PM20D2: variants seen among roughly 807,000 people sequenced by gnomAD.
PM20D2 encodes the protein xaa-Arg dipeptidase.
In PM20D2, 33 loss-of-function variants were observed where a neutral mutation model predicts 42.9. The ratio of observed to expected loss-of-function variants is 0.77; its 90% CI spans 0.58 to 1.03. The LOEUF (loss-of-function observed/expected upper bound fraction) is 1.03, where lower values mean the gene tolerates loss of function less well. Ranked by LOEUF, PM20D2 falls within the 50% of genes least tolerant of loss-of-function variation. The pLI is 0.00. For missense variants in PM20D2, 548 were observed against 557.0 expected, an observed-to-expected ratio of 0.98 and a Z score of 0.16; for synonymous variants, 250 against 228.2, an observed-to-expected ratio of 1.10 and a Z score of -0.86.
the PM20D2 span, among the ~76,000 whole-genome samples, chr6:89,099,834 C>T: frequency 6.6e-6 from 1 of 151,994 alleles, no homozygotes; most frequent in African/African-American, 2.4e-5. Flanking sequence ...CACACCCAGC[C>T]GAAAACAACT....
chr6:89,142,322 T>G (rs1342079851), upstream of PM20D2, among the ~76,000 whole-genome samples: 1 of 152,178 alleles, frequency 6.6e-6, no homozygotes, highest in Non-Finnish European at 1.5e-5. Flanking sequence ...CTAGAGAAGT[T>G]TCTGGAGTTA....
At chr6:89,111,333 A>C in the PM20D2 span, among the ~76,000 whole-genome samples, 1 of 152,144 alleles carries the variant, frequency 6.6e-6, no homozygotes, top group East Asian at 1.9e-4. Context: ...TCCTCTTGAA[A>C]ATATGTTGTA....
chr6:89,106,305 G>A, the PM20D2 span, among the ~76,000 whole-genome samples: 1 of 151,992 alleles, frequency 6.6e-6, no homozygotes, highest in Non-Finnish European at 1.5e-5. Context: ...TAGACACGGG[G>A]TTTCACCATG....
intron 2 of PM20D2, among the ~76,000 whole-genome samples, chr6:89,151,489 A>G (rs1413483346): frequency 6.6e-6 from 1 of 152,122 alleles, no homozygotes; most frequent in Non-Finnish European, 1.5e-5. Context: ...TGGCCTCCCA[A>G]AGGGCTGGAA....
intron 5 of PM20D2, among the ~76,000 whole-genome samples, chr6:89,160,959 G>C (rs1469099057): frequency 6.6e-6 from 1 of 151,938 alleles, no homozygotes; most frequent in African/African-American, 2.4e-5. Flanking sequence ...CATGGTATGA[G>C]ATCAGGTTGG....
At chr6:89,161,708 A>T in intron 5 of PM20D2, 75 bp from the exon 6 acceptor site, 1 of 1,137,324 alleles carries the variant, frequency 8.8e-7, no homozygotes, top group East Asian at 2.4e-5. Flanking sequence ...TCTAACAGGG[A>T]CTGTGACTTC....
chr6:89,158,719 C>A (rs964139603), intron 5 of PM20D2, among the ~76,000 whole-genome samples: 39 of 152,036 alleles, frequency 2.6e-4, no homozygotes, highest in African/African-American at 8.9e-4. Context: ...GTTTAAGTTT[C>A]GTTAGTTTTA....
At chr6:89,160,976 G>A (rs1272168985) in intron 5 of PM20D2, among the ~76,000 whole-genome samples, 1 of 151,808 alleles carries the variant, frequency 6.6e-6, no homozygotes, top group African/African-American at 2.4e-5. Flanking sequence ...TTGGAAAGGT[G>A]AATGAAGATT....
chr6:89,146,608 A>G lies in PM20D2; in HGVS notation c.464A>G (p.Lys155Arg). The change falls in exon 1 of 7, where the codon AAG becomes AGG. Residue 155 changes from lysine to arginine, a missense_variant and splice_region_variant. Lys to Arg is a conservative substitution (Grantham distance 26). This residue lies in a region of PM20D2 where 470 missense variants were observed against 464.4 expected (regional missense o/e 1.01). Transcript: ENST00000275072. ...CTCCCCAGGCCGCCTCCGCCCGTGA[A>G]GGTGAGGTGGGGCCCGGGTGCGGGA... is the stretch of plus-strand genomic sequence containing the variant. ...EGLPRPPPPV[K>R]VVVLGTPAEE... 7.0e-7 allele frequency: 1 copy of G among 1,434,612 alleles called. No individual in the cohort carries two copies. The highest frequency in any genetic ancestry group is 9.1e-7 in the Non-Finnish European group (1 of 1,100,706). The allele number at this position is 1,434,612 out of a possible 1,614,324, so 88.9% of individuals were successfully genotyped here.
chr6:89,107,118 A>C, the PM20D2 span: 1 of 1,547,170 alleles, frequency 6.5e-7, no homozygotes, highest in Admixed American at 1.7e-5. Context: ...ACGCATATAC[A>C]GTATATTCAC....
upstream of PM20D2, among the ~76,000 whole-genome samples, chr6:89,143,535 C>T (rs562785122): frequency 3.9e-4 from 59 of 152,250 alleles, no homozygotes; most frequent in Admixed American, 9.2e-4. Flanking sequence ...CTCTCACCCC[C>T]CCAAAAAGGT....
chr6:89,105,152 C>T, the PM20D2 span: 2 of 1,612,666 alleles, frequency 1.2e-6, no homozygotes, highest in East Asian at 4.5e-5. Flanking sequence ...CCTATTTCTT[C>T]CCCATGAAGA....
the PM20D2 span, among the ~76,000 whole-genome samples, chr6:89,110,720 T>C: frequency 5.9e-5 from 9 of 152,030 alleles, no homozygotes; most frequent in Non-Finnish European, 1.2e-4. Flanking sequence ...TCAGTATCAC[T>C]AGCAAAGAAA....
the PM20D2 span, among the ~76,000 whole-genome samples, chr6:89,134,330 C>A: frequency 1.3e-5 from 2 of 151,244 alleles, no homozygotes; most frequent in Non-Finnish European, 1.5e-5. Flanking sequence ...TAAGAGAATT[C>A]AGCTTCCTTC....
chr6:89,135,969 A>G, the PM20D2 span, among the ~76,000 whole-genome samples: 4 of 151,184 alleles, frequency 2.6e-5, no homozygotes, highest in African/African-American at 9.9e-5. Context: ...TTGCAATATG[A>G]TCTCTGGCCC....
Position 89,149,405 on chromosome 6 carries a change from T to C in PM20D2, c.606T>C (p.Ala202=), listed in dbSNP as rs757156941. 70 of 1,613,550 alleles carry C rather than the reference T, an allele frequency of 4.3e-5. No individual in the cohort carries two copies. The highest frequency in any genetic ancestry group is 5.7e-5 in the Non-Finnish European group (67 of 1,179,832). The part of the protein sequence containing the change: ...QENAAYLPDM[A]EHDVTVKYYG... ...ATGCTGCTTATCTACCAGATATGGC[T>C]GAACATGAGTGAGTAATCAAGTTGA... The change falls in exon 2 of 7, where the codon GCT becomes GCC. Residue 202 remains alanine (A), a synonymous_variant. Coordinates refer to ENST00000275072, the MANE Select transcript of PM20D2 (RefSeq NM_001010853.3).
At chr6:89,147,945 C>A (rs1770657267) in intron 1 of PM20D2, among the ~76,000 whole-genome samples, 1 of 149,394 alleles carries the variant, frequency 6.7e-6, no homozygotes, top group Non-Finnish European at 1.5e-5. Flanking sequence ...TGTAGAACCG[C>A]CAAAAAAAAG....
rs558353190 is a variant in PM20D2, at chr6:89,146,545, C to T, written c.401C>T (p.Ala134Val). 5 of 1,498,950 alleles carry T rather than the reference C, an allele frequency of 3.3e-6. No individual in the cohort carries two copies. Among genetic ancestry groups the T allele is most frequent in the Admixed American group, 2.2e-5 (1 of 46,506 alleles). 92.9% of individuals were successfully genotyped at this position (1,498,950 alleles called of 1,614,324 possible). A position where few individuals can be genotyped will look rare whatever the true frequency, so the allele number is the denominator to read the frequency against. Reference sequence around the variant, plus strand: ...CACAACCTCATCGCTGAGGTCGGGGCGGCGGCCGCGCTGGGCGTGAGGGGG... The same window carrying T: ...CACAACCTCATCGCTGAGGTCGGGGTGGCGGCCGCGCTGGGCGTGAGGGGG... ...CGHNLIAEVG[A>V]AAALGVRGAL... Residue 134 changes from alanine to valine, a missense_variant, in exon 1 of 7, where the codon GCG (alanine) becomes GTG (valine). Transcript: ENST00000275072.
In PM20D2 at chr6:89,162,100, A is replaced by G. The variant is rs1771263430; in HGVS notation, c.1157-9A>G. Reference sequence around the variant, plus strand: ...AGTAAGGAGGTATTTTATTTTCTCTACCTTTTAGGGTCACAGGAAGCTCAG... The same window carrying G: ...AGTAAGGAGGTATTTTATTTTCTCTGCCTTTTAGGGTCACAGGAAGCTCAG... On this transcript the variant is annotated splice_polypyrimidine_tract_variant and intron_variant, in intron 6 of 6. Coordinates refer to ENST00000275072, the MANE Select transcript of PM20D2 (RefSeq NM_001010853.3). The G allele has an allele frequency of 1.9e-6, 3 of 1,595,084 alleles. No homozygotes were observed. In the South Asian group the frequency reaches 3.4e-5, roughly 18 times the overall value.
Sources: gnomAD v4.1 joint callset for allele counts (sites outside exome capture counted in the v4.1 genomes callset) on GRCh38, gnomAD v4.1.1 for gene constraint, gnomAD v4.1.1 regional missense constraint, MANE v1.5 for transcripts, NCBI Gene and HGNC (gene_info 2026-07-23, HGNC 2026-07-21) for gene names.